Variants in ALG13 observed in about 807,000 individuals in gnomAD.
The protein encoded by ALG13 is ALG13 UDP-N-acetylglucosaminyltransferase subunit.
A neutral mutation model predicts 87.8 loss-of-function variants in ALG13; 11 were observed. That is an observed-to-expected ratio of 0.13 (90% CI 0.08 to 0.21). ALG13 has a LOEUF of 0.21. Ranked by LOEUF, ALG13 falls within the 10% of genes least tolerant of loss-of-function variation. The pLI is 1.00. For synonymous variants in ALG13, 320 were observed against 306.3 expected (o/e 1.04, Z -0.47); for missense variants, 756 against 866.1 (o/e 0.87, Z 1.60).
At chrX:111,703,189 T>A (rs759466961) in intron 3 of ALG13, among the ~76,000 whole-genome samples, 10 of 106,852 alleles carry the variant, frequency 9.4e-5, no homozygotes, top group Non-Finnish European at 1.9e-4. Flanking sequence ...TATATTGTCA[T>A]CATCATCATC....
At chrX:111,683,185 A>G (rs185610295) in intron 2 of ALG13, among the ~76,000 whole-genome samples, 1 of 110,869 alleles carries the variant, frequency 9.0e-6, no homozygotes, top group African/African-American at 3.3e-5. Flanking sequence ...AAGTACTGTT[A>G]GTATCTCCAT....
Position 111,706,099 on chromosome X carries a change from G to T in ALG13, c.384-1928G>T, listed in dbSNP as rs1220298114. Among the ~76,000 whole-genome samples, 5 of 109,794 alleles carry T rather than the reference G, an allele frequency of 4.6e-5. No homozygotes were observed. The Admixed American group carries it at 4.8e-4, about 11-fold the overall frequency. ...AGACGGAGTCTCGCTCTGTTGCCCAGGCTGGAGTGCAGTGGTGTGATCTCG... is the reference window on the plus strand; with the variant it reads ...AGACGGAGTCTCGCTCTGTTGCCCATGCTGGAGTGCAGTGGTGTGATCTCG... On this transcript the variant is annotated intron_variant, in intron 3 of 26. Transcript: ENST00000394780.
intron 3 of ALG13, among the ~76,000 whole-genome samples, chrX:111,703,748 GT>G (rs1261264675): frequency 1.3e-4 from 15 of 111,893 alleles, no homozygotes; most frequent in African/African-American, 4.2e-4. Flanking sequence ...ATGTACCACA[GT>G]TTTTGTCCAT....
intron 5 of ALG13, among the ~76,000 whole-genome samples, chrX:111,710,759 C>T (rs1244889764): frequency 6.2e-5 from 7 of 112,037 alleles, no homozygotes; most frequent in Admixed American, 2.8e-4. Context: ...TGCAGTGGCA[C>T]GATCTCGGCT....
intron 3 of ALG13, among the ~76,000 whole-genome samples, chrX:111,685,605 A>G (rs990749898): frequency 5.3e-5 from 6 of 112,424 alleles, no homozygotes; most frequent in Non-Finnish European, 9.4e-5. Context: ...CCCTGTTCTT[A>G]TGGTGCTTAC....
At chrX:111,702,310 A>G (rs1022756361) in intron 3 of ALG13, among the ~76,000 whole-genome samples, 6 of 111,269 alleles carry the variant, frequency 5.4e-5, no homozygotes, top group Admixed American at 1.9e-4. Flanking sequence ...TCTCTTCCCC[A>G]TTTTCCTTCC....
intron 10 of ALG13, among the ~76,000 whole-genome samples, chrX:111,718,511 A>G (rs149171406): frequency 0.02 from 2,238 of 111,566 alleles, 28 homozygotes; most frequent in Non-Finnish European, 0.032. Flanking sequence ...AAACTTCAGA[A>G]CTATCTAATT....
At chrX:111,718,056 CAT>C in intron 9 of ALG13, 54 bp from the exon 10 acceptor site, 4 of 1,107,920 alleles carry the variant, frequency 3.6e-6, no homozygotes, top group South Asian at 2.0e-5. Context: ...ACTATTTTCA[CAT>C]AGTTAATATA....
At chrX:111,692,410 A>G (rs1040824922) in intron 3 of ALG13, among the ~76,000 whole-genome samples, 1 of 112,169 alleles carries the variant, frequency 8.9e-6, no homozygotes, top group African/African-American at 3.2e-5. Context: ...CTTTCCATAA[A>G]TGATGAATGC....
chrX:111,732,150 A>G (rs16986618), intron 21 of ALG13, among the ~76,000 whole-genome samples: 3,168 of 111,669 alleles, frequency 0.028, 42 homozygotes, highest in Non-Finnish European at 0.042. Context: ...ATTCTCTCCT[A>G]CATACACCTG....
chrX:111,720,025 A>T, intron 10 of ALG13, 70 bp from the exon 11 acceptor site: 1 of 696,583 alleles, frequency 1.4e-6, no homozygotes, highest in Non-Finnish European at 2.1e-6. Flanking sequence ...GTGGTGGTGT[A>T]GTCATTAGGC....
rs1338253489 is a variant in ALG13, at chrX:111,757,612, T to A, written c.2998T>A (p.Ser1000Thr). Residue 1000 changes from serine (S) to threonine (T), a missense_variant, in exon 26 of 27, where the codon TCC becomes ACC. By Grantham distance (58) the Ser-to-Thr change is moderately conservative. Around this residue, in one of 9 missense-constraint regions of ALG13, gnomAD observed 7 missense variants for 28.9 expected, o/e 0.24. Transcript: ENST00000394780. ...GTGCTATTACCACAGCTACTGGCACTCCATGGTCTATGTGCCACAGATGCA... is the reference window on the plus strand; with the variant it reads ...GTGCTATTACCACAGCTACTGGCACACCATGGTCTATGTGCCACAGATGCA... ...LQCYYHSYWH[S>T]MVYVPQMQQQ... 8.3e-7 allele frequency: 1 copy of A among 1,206,391 alleles called. No individual in the cohort carries two copies. Among genetic ancestry groups the A allele is most frequent in the East Asian group, 3.0e-5 (1 of 33,650 alleles).
intron 3 of ALG13, chrX:111,685,342 T>A (rs1031278169): frequency 3.3e-5 from 9 of 270,468 alleles, no homozygotes; most frequent in Non-Finnish European, 5.0e-5. Flanking sequence ...TCTGAGAGAG[T>A]GTGTGTATGT....
intron 1 of ALG13, chrX:111,681,825 A>G (rs1314454725): frequency 2.3e-6 from 2 of 862,168 alleles, no homozygotes; most frequent in African/African-American, 2.1e-5. Context: ...GCAGTTGATC[A>G]AGTGAGGCAG....
rs1008833458 is a variant in ALG13, at chrX:111,745,160, A to G, written c.2932+256A>G. Among the ~76,000 whole-genome samples the G allele has an allele frequency of 5.4e-5, 6 of 111,442 alleles. 1 individual carries two copies. The highest frequency in any genetic ancestry group is 1.9e-4 in the Admixed American group (2 of 10,442). ...TGTTTTGTTTTGTTTTGGTAGCTAC[A>G]TGTCTACCCTGAAGAAGATTCTCAA... On this transcript the variant is annotated intron_variant, in intron 24 of 26. Coordinates refer to ENST00000394780, the MANE Select transcript of ALG13 (RefSeq NM_001099922.3).
chrX:111,702,799 C>T (rs1410264029), intron 3 of ALG13, among the ~76,000 whole-genome samples: 1 of 110,124 alleles, frequency 9.1e-6, no homozygotes, highest in Non-Finnish European at 1.9e-5. Flanking sequence ...TTTCACATAT[C>T]TTCAGTAGCT....
intron 3 of ALG13, chrX:111,686,192 G>A: frequency 1.8e-6 from 2 of 1,085,512 alleles, no homozygotes; most frequent in Non-Finnish European, 2.4e-6. Flanking sequence ...ATTCCCACTT[G>A]TTTGACTTTA....
At position 111,725,075 on chromosome X, in the gene ALG13, A is replaced by G. The variant is rs763484848; in HGVS notation, c.1729+14A>G. The G allele has an allele frequency of 7.0e-5, 84 of 1,205,593 alleles. No homozygotes were observed. The African/African-American group carries it at 1.4e-3, about 21-fold the overall frequency. On this transcript the variant is annotated intron_variant, in intron 15 of 26. Coordinates refer to ENST00000394780, the MANE Select transcript of ALG13 (RefSeq NM_001099922.3). ...TCCCGGAAATAGGTTTGTATGCTAA[A>G]GGTTGTTATTTTGTTTTTCCCTTCC...
At chrX:111,740,141 G>A (rs968928840) in intron 23 of ALG13, among the ~76,000 whole-genome samples, 9 of 110,652 alleles carry the variant, frequency 8.1e-5, no homozygotes, top group African/African-American at 3.0e-4. Context: ...GGGTGTAGAT[G>A]TAGTTATTTT....
Sources: allele counts gnomAD v4.1 joint callset (sites outside exome capture counted in the v4.1 genomes callset), GRCh38; gene constraint gnomAD v4.1.1; regional missense constraint gnomAD v4.1.1; transcripts MANE v1.5; gene names NCBI Gene and HGNC (gene_info 2026-07-23, HGNC 2026-07-21).